SET: variants seen among roughly 807,000 people sequenced by gnomAD.
The protein encoded by SET is protein SET.
SET carries 4 observed loss-of-function variants against 39.0 expected under a neutral mutation model. That is an observed-to-expected ratio of 0.10 (90% CI 0.05 to 0.23). SET has a LOEUF of 0.23. Ranked by LOEUF, SET falls within the 10% of genes least tolerant of loss-of-function variation. The pLI, the probability that SET is intolerant of heterozygous loss-of-function variation, is 1.00. For missense variants in SET, 137 were observed against 329.7 expected, an observed-to-expected ratio of 0.42 and a Z score of 4.53; for synonymous variants, 114 against 115.9, an observed-to-expected ratio of 0.98 and a Z score of 0.11.
intron 1 of SET, chr9:128,689,949 C>A (rs1400463900): frequency 2.1e-6 from 1 of 474,648 alleles, no homozygotes; most frequent in Non-Finnish European, 2.8e-6. Flanking sequence ...CCTCCCCCTC[C>A]CTCCCTCCCG....
In SET at chr9:128,689,322, G is replaced by C; in HGVS notation, c.-261G>C. ...GAGTGAGGGAGCCGAGCCGCCCGCCGCCGCCGCCTCCGCCTCCCCTCCGCG... is the reference window on the plus strand; with the variant it reads ...GAGTGAGGGAGCCGAGCCGCCCGCCCCCGCCGCCTCCGCCTCCCCTCCGCG... On this transcript the variant is annotated 5_prime_UTR_variant, in exon 1 of 8. Coordinates refer to ENST00000322030, the MANE Select transcript of SET (RefSeq NM_003011.4). 9.7e-7 allele frequency: 1 copy of C among 1,031,596 alleles called. No homozygotes were observed. Among genetic ancestry groups the C allele is most frequent in the Non-Finnish European group, 1.2e-6 (1 of 859,244 alleles). The allele number at this position is 1,031,596 out of a possible 1,614,324, so 63.9% of individuals were successfully genotyped here.
chr9:128,685,227 A>G (rs1435177826), upstream of SET: 1 of 1,592,034 alleles, frequency 6.3e-7, no homozygotes, highest in African/African-American at 1.3e-5. Flanking sequence ...AGCCACATAA[A>G]ACAACTTGTG....
chr9:128,686,446 T>C (rs147504871), upstream of SET, among the ~76,000 whole-genome samples: 22 of 152,152 alleles, frequency 1.4e-4, no homozygotes, highest in Non-Finnish European at 2.8e-4. Flanking sequence ...TTAGGAGACA[T>C]TGTGGGTCAG....
intron 2 of SET, among the ~76,000 whole-genome samples, chr9:128,691,622 C>T (rs1027000475): frequency 7.2e-5 from 11 of 152,270 alleles, no homozygotes; most frequent in African/African-American, 2.6e-4. Flanking sequence ...TAAATACACA[C>T]GTTACCAGAG....
At chr9:128,691,326 G>A in intron 2 of SET, 99 bp downstream of exon 2, 1 of 766,778 alleles carries the variant, frequency 1.3e-6, no homozygotes, top group Non-Finnish European at 2.2e-6. Flanking sequence ...ACTGTCAAAG[G>A]GGAAATGATT....
chr9:128,692,098 A>G (rs759100139), intron 3 of SET, 98 bp downstream of exon 3: 4 of 1,434,110 alleles, frequency 2.8e-6, no homozygotes, highest in Non-Finnish European at 1.9e-6. Flanking sequence ...GTTGCGTGCA[A>G]CAAAGACAGG....
In SET at chr9:128,695,719, C is replaced by T. The variant is rs1861712026; in HGVS notation, c.*1055C>T. On this transcript the variant is annotated 3_prime_UTR_variant, in exon 8 of 8. Coordinates refer to ENST00000322030, the MANE Select transcript of SET (RefSeq NM_003011.4). Reference sequence around the variant, plus strand: ...AATCAATGTATTAATATCTCCATAGCTGGGAAACGTGGGTTCAATTTGCCA... The same window carrying T: ...AATCAATGTATTAATATCTCCATAGTTGGGAAACGTGGGTTCAATTTGCCA... The T allele has an allele frequency of 1.3e-5, 3 of 226,834 alleles. No individual in the cohort carries two copies. Among genetic ancestry groups the T allele is most frequent in the Non-Finnish European group, 1.8e-5 (2 of 113,268 alleles). The allele number at this position is 226,834 out of a possible 1,614,324, so 14.1% of individuals were successfully genotyped here. A position where few individuals can be genotyped will look rare whatever the true frequency, so the allele number is the denominator to read the frequency against.
At chr9:128,689,022 G>A (rs1861387308), upstream of SET, among the ~76,000 whole-genome samples, 1 of 151,140 alleles carries the variant, frequency 6.6e-6, no homozygotes, top group Non-Finnish European at 1.5e-5. Flanking sequence ...AGAGGGGAGA[G>A]CGGGGGAGGG....
At position 128,691,745 on chromosome 9, in the gene SET, AT is replaced by A. The variant is rs1341830971; in HGVS notation, c.132-110del. On this transcript the variant is annotated intron_variant, in intron 2 of 7. Transcript: ENST00000322030. The stretch of plus-strand genomic sequence containing the variant: ...AAATTAGGTGATAATGGTTATTATA[AT>A]TTGGTTATTTTGCATGACTCAAGCT... The A allele has an allele frequency of 9.9e-6, 10 of 1,009,264 alleles. No individual in the cohort carries two copies. In the Admixed American group the frequency reaches 2.9e-4, roughly 29 times the overall value. 62.5% of individuals were successfully genotyped at this position (1,009,264 alleles called of 1,614,324 possible).
At chr9:128,687,123 C>T (rs376268032), upstream of SET, among the ~76,000 whole-genome samples, 5 of 150,408 alleles carry the variant, frequency 3.3e-5, no homozygotes, top group East Asian at 5.9e-4. Context: ...TTTGGGAGGC[C>T]GAGGTGGGCA....
intron 7 of SET, among the ~76,000 whole-genome samples, 190 bp from the exon 8 acceptor site, chr9:128,694,451 T>C (rs929167402): frequency 9.2e-5 from 14 of 152,208 alleles, no homozygotes; most frequent in African/African-American, 3.4e-4. Flanking sequence ...GAAATATACC[T>C]GATTTGGTTA....
rs1031002114 is a variant in SET at position 128,696,145 on chromosome 9, C to G, written c.*1481C>G. 1 of 216,674 alleles carries G rather than the reference C, an allele frequency of 4.6e-6. No homozygotes were observed. Among genetic ancestry groups the G allele is most frequent in the African/African-American group, 2.2e-5 (1 of 44,694 alleles). 13.4% of individuals were successfully genotyped at this position (216,674 alleles called of 1,614,324 possible). A position where few individuals can be genotyped will look rare whatever the true frequency, so the allele number is the denominator to read the frequency against. Reference sequence around the variant, plus strand: ...ACCCTAATGCATAAGCTTTTTAATGCTGTAAAATATAGTCGCTGAAATTAA... The same window carrying G: ...ACCCTAATGCATAAGCTTTTTAATGGTGTAAAATATAGTCGCTGAAATTAA... On this transcript the variant is annotated 3_prime_UTR_variant, in exon 8 of 8. Coordinates refer to ENST00000322030, the MANE Select transcript of SET (RefSeq NM_003011.4).
intron 5 of SET, 143 bp from the exon 6 acceptor site, chr9:128,693,495 T>C: frequency 1.1e-6 from 1 of 888,076 alleles, no homozygotes; most frequent in Non-Finnish European, 1.7e-6. Flanking sequence ...GTTTTATAAT[T>C]GCTCTTAGGT....
intron 3 of SET, chr9:128,692,220 C>G (rs1321762913): frequency 4.5e-6 from 2 of 441,586 alleles, no homozygotes; most frequent in Non-Finnish European, 8.0e-6. Flanking sequence ...AACCCCGTCT[C>G]TACTAAAAAT....
intron 7 of SET, 96 bp downstream of exon 7, chr9:128,694,138 C>A: frequency 1.8e-6 from 2 of 1,096,216 alleles, no homozygotes; most frequent in African/African-American, 1.6e-5. Flanking sequence ...GTAGAACTGA[C>A]CAGAACTGAT....
chr9:128,685,090 ACT>A, upstream of SET: 1 of 1,542,670 alleles, frequency 6.5e-7, no homozygotes, highest in Non-Finnish European at 8.7e-7. Context: ...TGGAAGAAGC[ACT>A]GAGGAGGAGT....
intron 2 of SET, among the ~76,000 whole-genome samples, chr9:128,691,552 A>ATT (rs1861535597): frequency 6.6e-6 from 1 of 152,186 alleles, no homozygotes; most frequent in African/African-American, 2.4e-5. Context: ...TAGCCACTTT[A>ATT]TTTAGAAATC....
chr9:128,690,342 C>G (rs998333142), intron 1 of SET: 3 of 152,578 alleles, frequency 2.0e-5, no homozygotes, highest in African/African-American at 7.2e-5. Flanking sequence ...CTGGCCTCTG[C>G]CTAGGAGGCT....
In SET at chr9:128,693,629, T is replaced by C. The variant is rs1225063370; in HGVS notation, c.493-9T>C. ...GATTGTATCAAAAGCTCTTCCGGTATTCATTTAGGATTTGACGAAACGTTC... is the reference window on the plus strand; with the variant it reads ...GATTGTATCAAAAGCTCTTCCGGTACTCATTTAGGATTTGACGAAACGTTC... On this transcript the variant is annotated splice_polypyrimidine_tract_variant and intron_variant, in intron 5 of 7. Coordinates refer to ENST00000322030, the MANE Select transcript of SET (RefSeq NM_003011.4). The C allele has an allele frequency of 1.2e-6, 2 of 1,600,902 alleles. No individual in the cohort carries two copies. The highest frequency in any genetic ancestry group is 1.3e-5 in the African/African-American group (1 of 74,248).
Sources: allele counts gnomAD v4.1 joint callset (sites outside exome capture counted in the v4.1 genomes callset), GRCh38; gene constraint gnomAD v4.1.1; transcripts MANE v1.5; gene names NCBI Gene and HGNC (gene_info 2026-07-23, HGNC 2026-07-21).